LAMB1: variants seen among roughly 807,000 people sequenced by gnomAD.
LAMB1 encodes laminin subunit beta 1.
Under a neutral mutation model 222.3 loss-of-function variants are expected in LAMB1, and 121 were observed. The observed-to-expected ratio is 0.54, with a 90% CI of 0.47 to 0.63. The LOEUF is 0.63. LAMB1 is among the 30% of genes least tolerant of loss of function. The pLI is 0.00. For missense variants in LAMB1, 2,172 were observed against 2,240.8 expected, an observed-to-expected ratio of 0.97 and a Z score of 0.62; for synonymous variants, 794 against 807.2, an observed-to-expected ratio of 0.98 and a Z score of 0.28.
rs2116298960 is a variant in LAMB1 at position 107,923,841 on chromosome 7, G to GTGAT, written c.*106_*109dup. 4.9e-6 allele frequency: 5 copies of GTGAT among 1,019,802 alleles called. No homozygotes were observed. The highest frequency in any genetic ancestry group is 2.6e-5 in the Admixed American group (1 of 38,518). 63.2% of individuals were successfully genotyped at this position (1,019,802 alleles called of 1,614,324 possible). ...TACTTTATTTAACTCCATACAAAAT[G>GTGAT]TGATTAAAAACATTAAATAGGTGAT... On this transcript the variant is annotated 3_prime_UTR_variant, in exon 34 of 34. Coordinates refer to ENST00000222399, the MANE Select transcript of LAMB1 (RefSeq NM_002291.3).
chr7:107,975,144 T>G, intron 11 of LAMB1, 46 bp from the exon 12 acceptor site: 2 of 1,550,208 alleles, frequency 1.3e-6, no homozygotes, highest in Non-Finnish European at 1.8e-6. Context: ...CCACGTGAGT[T>G]TCAAATAATA....
Position 107,959,703 on chromosome 7 carries a change from TG to T in LAMB1, c.2445del (p.Ser816ValfsTer64). 6.2e-7 allele frequency: 1 copy of T among 1,614,200 alleles called. No homozygotes were observed. Among genetic ancestry groups the T allele is most frequent in the Non-Finnish European group, 8.5e-7 (1 of 1,180,036 alleles). On this transcript the variant is annotated frameshift_variant, in exon 19 of 34. Transcript: ENST00000222399. LOFTEE classifies it high-confidence loss of function. ...TTGAGGAACCTACGTTTGCATCCAC[TG>T]GGGCCAAAGCCAAAAGTTCCAGGTG... The part of the protein sequence containing the change: ...RCAPGTFGFG[P>X]SGCKPCECHL...
chr7:107,946,322 C>T (rs1237616774), intron 24 of LAMB1, among the ~76,000 whole-genome samples: 1 of 151,956 alleles, frequency 6.6e-6, no homozygotes, highest in Non-Finnish European at 1.5e-5. Flanking sequence ...CCCTTTTTGG[C>T]CTCAGTAATA....
Position 107,932,192 on chromosome 7 carries a change from C to G in LAMB1, c.4374G>C (p.Val1458=). 1 of 1,614,202 alleles carries G rather than the reference C, an allele frequency of 6.2e-7. No homozygotes were observed. Among genetic ancestry groups the G allele is most frequent in the Non-Finnish European group, 8.5e-7 (1 of 1,180,048 alleles). The part of the protein sequence containing the change: ...DQDVLSALAE[V]EQLSKMVSEA... ...GAGTTACCATCTTGGAGAGCTGTTCCACTTCAGCCAGGGCACTCAGGACAT... is the reference window on the plus strand; with the variant it reads ...GAGTTACCATCTTGGAGAGCTGTTCGACTTCAGCCAGGGCACTCAGGACAT... Residue 1458 remains valine (V), a synonymous_variant, in exon 28 of 34, where the codon GTG becomes GTC. Coordinates refer to ENST00000222399, the MANE Select transcript of LAMB1 (RefSeq NM_002291.3).
chr7:107,996,263 T>C (rs1275111089), intron 4 of LAMB1, among the ~76,000 whole-genome samples: 1 of 152,180 alleles, frequency 6.6e-6, no homozygotes, highest in African/African-American at 2.4e-5. Flanking sequence ...CACATTCCAT[T>C]TAGATTTATA....
rs757952945 is a variant in LAMB1, at chr7:107,959,389, C to A, written c.2550G>T (p.Gln850His). The A allele has an allele frequency of 1.2e-6, 2 of 1,614,260 alleles. No individual in the cohort carries two copies. Among genetic ancestry groups the A allele is most frequent in the East Asian group, 2.2e-5 (1 of 44,888 alleles). The part of the protein sequence containing the change: ...CHCFQGVYAR[Q>H]CDRCLPGHWG... ...AGTGCCCAGGTAAGCACCGATCACA[C>A]TGCCGAGCATACACTCCCTGGAAAC... Residue 850 changes from glutamine to histidine, a missense_variant, in exon 20 of 34, where the codon CAG becomes CAT. Coordinates refer to ENST00000222399, the MANE Select transcript of LAMB1 (RefSeq NM_002291.3).
intron 2 of LAMB1, chr7:108,002,271 G>C: frequency 7.6e-7 from 1 of 1,319,272 alleles, no homozygotes; most frequent in Non-Finnish European, 1.0e-6. Context: ...CGAGGCGCCG[G>C]GGCTCGCGGT....
intron 24 of LAMB1, chr7:107,942,489 G>A (rs967538298): frequency 6.6e-6 from 1 of 152,118 alleles, no homozygotes; most frequent in Non-Finnish European, 1.5e-5. Flanking sequence ...CCAAGCTCTC[G>A]AGTGGCAGGT....
At chr7:107,965,079 C>T (rs949617132) in intron 13 of LAMB1, among the ~76,000 whole-genome samples, 11 of 152,328 alleles carry the variant, frequency 7.2e-5, no homozygotes, top group African/African-American at 9.6e-5. Context: ...CCCAAACCAA[C>T]GGATCTAAGA....
intron 20 of LAMB1, 144 bp from the exon 21 acceptor site, chr7:107,955,774 C>G (rs1171246690): frequency 1.2e-5 from 9 of 743,300 alleles, no homozygotes; most frequent in South Asian, 8.0e-5. Flanking sequence ...GCTCTGTCAC[C>G]CAGGCTGGAG....
intron 14 of LAMB1, 92 bp downstream of exon 14, chr7:107,964,460 A>G: frequency 6.8e-7 from 1 of 1,461,652 alleles, no homozygotes; most frequent in Non-Finnish European, 9.4e-7. Context: ...AGCTATAAAA[A>G]TGCTTCTGAA....
intron 27 of LAMB1, 157 bp downstream of exon 27, chr7:107,935,258 G>T: frequency 9.0e-7 from 1 of 1,112,488 alleles, no homozygotes; most frequent in Non-Finnish European, 1.3e-6. Context: ...CCCATTCCAG[G>T]ATCCAGAGAC....
Position 107,940,101 on chromosome 7 carries a change from G to A in LAMB1, c.3649C>T (p.Arg1217Cys), listed in dbSNP as rs138364317. 2.0e-5 allele frequency: 32 copies of A among 1,613,948 alleles called. No homozygotes were observed. The highest frequency in any genetic ancestry group is 1.4e-4 in the South Asian group (13 of 91,070). ...LKISGVIGPY[R>C]ETVDSVERKV... Reference sequence around the variant, plus strand: ...CTCTCCACCGAGTCCACAGTCTCACGGTAAGGCCCGATCACACCACTGATC... The same window carrying A: ...CTCTCCACCGAGTCCACAGTCTCACAGTAAGGCCCGATCACACCACTGATC... The change falls in exon 25 of 34, where the codon CGT (arginine) becomes TGT (cysteine). Residue 1217 changes from arginine to cysteine, a missense_variant. Transcript: ENST00000222399.
chr7:107,941,653 G>A (rs528141334), intron 24 of LAMB1, among the ~76,000 whole-genome samples: 1 of 103,818 alleles, frequency 9.6e-6, no homozygotes, highest in South Asian at 3.0e-4. Context: ...ATGCTTTCTC[G>A]GATTTTTTTT....
At chr7:107,960,196 G>T (rs1444034072) in intron 18 of LAMB1, among the ~76,000 whole-genome samples, 1 of 152,158 alleles carries the variant, frequency 6.6e-6, no homozygotes, top group Non-Finnish European at 1.5e-5. Context: ...TTATGGAAAT[G>T]CTTTATCCTC....
At chr7:107,937,880 G>T (rs1055206195) in intron 25 of LAMB1, among the ~76,000 whole-genome samples, 1 of 141,510 alleles carries the variant, frequency 7.1e-6, no homozygotes, top group Non-Finnish European at 1.6e-5. Context: ...AATGAAATAA[G>T]AAGATTTAGC....
At chr7:108,001,255 A>G (rs746191159) in intron 3 of LAMB1, among the ~76,000 whole-genome samples, 1 of 152,208 alleles carries the variant, frequency 6.6e-6, no homozygotes, top group Non-Finnish European at 1.5e-5. Flanking sequence ...CACTTCCAAA[A>G]CTAAAGTTTT....
At chr7:107,949,129 T>C (rs543005839) in intron 24 of LAMB1, among the ~76,000 whole-genome samples, 3 of 152,206 alleles carry the variant, frequency 2.0e-5, no homozygotes, top group Admixed American at 1.3e-4. Flanking sequence ...ATCTCACTCT[T>C]TGCAGAGTTT....
At chr7:107,967,243 C>T (rs1029902357) in intron 13 of LAMB1, among the ~76,000 whole-genome samples, 9 of 152,174 alleles carry the variant, frequency 5.9e-5, no homozygotes, top group African/African-American at 1.7e-4. Context: ...TATCCCAATA[C>T]TCAGCTTTTA....
Sources: gnomAD v4.1 joint callset for allele counts (sites outside exome capture counted in the v4.1 genomes callset) on GRCh38, gnomAD v4.1.1 for gene constraint, MANE v1.5 for transcripts, NCBI Gene and HGNC (gene_info 2026-07-23, HGNC 2026-07-21) for gene names.